Variants in PAQR5 observed in about 807,000 individuals in gnomAD.
The protein encoded by PAQR5 is progestin and adipoQ receptor family member 5.
A neutral mutation model predicts 34.5 loss-of-function variants in PAQR5; 20 were observed. The observed-to-expected ratio is 0.58, with a 90% CI of 0.41 to 0.84. The LOEUF is 0.84. Among genes scored for constraint, PAQR5 ranks in the 40% least tolerant of loss-of-function variants. PAQR5 has a pLI of 0.00. For missense variants in PAQR5, 378 were observed against 412.7 expected, an observed-to-expected ratio of 0.92 and a Z score of 0.73; for synonymous variants, 131 against 155.6, an observed-to-expected ratio of 0.84 and a Z score of 1.18.
At chr15:69,323,108 A>G (rs80189285) in intron 1 of PAQR5, among the ~76,000 whole-genome samples, 5 of 151,986 alleles carry the variant, frequency 3.3e-5, no homozygotes, top group African/African-American at 1.2e-4. Context: ...AAAGTGTGGA[A>G]CATGGGGCAG....
chr15:69,315,147 A>T (rs1164144983), intron 1 of PAQR5, among the ~76,000 whole-genome samples: 2 of 151,976 alleles, frequency 1.3e-5, no homozygotes, highest in African/African-American at 4.8e-5. Flanking sequence ...ACGTCTTAGG[A>T]GTCCTTGCCC....
chr15:69,347,047 C>A (rs894708686), intron 2 of PAQR5, among the ~76,000 whole-genome samples: 4 of 152,138 alleles, frequency 2.6e-5, no homozygotes, highest in African/African-American at 9.7e-5. Context: ...GTCTCAGACT[C>A]CTGACCTCAG....
Position 69,306,245 on chromosome 15 carries a change from G to A in PAQR5, c.-277+7189G>A, listed in dbSNP as rs888645840. Among the ~76,000 whole-genome samples the A allele has an allele frequency of 4.6e-5, 7 of 152,106 alleles. No homozygotes were observed. In the East Asian group the frequency reaches 9.6e-4, roughly 21 times the overall value. On this transcript the variant is annotated intron_variant, in intron 1 of 8. Coordinates refer to ENST00000395407, the MANE Select transcript of PAQR5 (RefSeq NM_017705.4). ...ATGTGCTTGGGGAGGTGGAGGGAAT[G>A]TTCAGGCAGCTTCCCGAGAGGAAGA...
chr15:69,353,233 G>A (rs1309924401), intron 2 of PAQR5, among the ~76,000 whole-genome samples: 1 of 152,214 alleles, frequency 6.6e-6, no homozygotes, highest in African/African-American at 2.4e-5. Context: ...CAGCTACCTG[G>A]TGGCAAGTTG....
chr15:69,357,611 T>C (rs1317721504), intron 2 of PAQR5, among the ~76,000 whole-genome samples: 1 of 152,188 alleles, frequency 6.6e-6, no homozygotes, highest in Non-Finnish European at 1.5e-5. Flanking sequence ...TACCACCACA[T>C]TTTGTTCATT....
intron 6 of PAQR5, among the ~76,000 whole-genome samples, chr15:69,393,939 C>T (rs1028202312): frequency 6.6e-6 from 1 of 152,118 alleles, no homozygotes; most frequent in East Asian, 1.9e-4. Flanking sequence ...AATGCGTGCC[C>T]TCTTCGTGGT....
At position 69,389,580 on chromosome 15, in the gene PAQR5, G is replaced by A. The variant is rs140818084; in HGVS notation, c.386-74G>A. The A allele has an allele frequency of 1.7e-4, 265 of 1,591,264 alleles. 1 individual carries two copies. The African/African-American group carries it at 2.9e-3, about 17-fold the overall frequency. On this transcript the variant is annotated intron_variant, in intron 5 of 8. Transcript: ENST00000395407. ...ATGATAAGGGCCAAGCCAGATGCTG[G>A]GGACAGTCTTTGCAAGGGGCCCATG...
chr15:69,350,492 A>C (rs2054887468), intron 2 of PAQR5, among the ~76,000 whole-genome samples: 1 of 152,040 alleles, frequency 6.6e-6, no homozygotes, highest in Admixed American at 6.6e-5. Flanking sequence ...AAAATACAAA[A>C]TTTAGCCAGG....
chr15:69,350,807 A>C (rs2054898686), intron 2 of PAQR5, among the ~76,000 whole-genome samples: 1 of 152,148 alleles, frequency 6.6e-6, no homozygotes. Context: ...GGGTTCCCTC[A>C]GGGAGGGGGA....
intron 1 of PAQR5, among the ~76,000 whole-genome samples, chr15:69,299,806 C>T (rs747064976): frequency 9.8e-5 from 15 of 152,318 alleles, no homozygotes; most frequent in Non-Finnish European, 1.8e-4. Flanking sequence ...GAGGGCTCAG[C>T]TTAGTGGGAG....
chr15:69,380,335 A>C (rs543481945), intron 4 of PAQR5: 30 of 247,380 alleles, frequency 1.2e-4, no homozygotes, highest in African/African-American at 5.3e-4. Context: ...GTCTTCCAGG[A>C]GCCCTGGTTA....
At chr15:69,345,180 C>A (rs997095990) in intron 2 of PAQR5, among the ~76,000 whole-genome samples, 1 of 151,792 alleles carries the variant, frequency 6.6e-6, no homozygotes, top group African/African-American at 2.4e-5. Context: ...AGAGAAGGAA[C>A]AGTGGAAAAG....
At chr15:69,332,046 G>T (rs1237474820) in intron 1 of PAQR5, among the ~76,000 whole-genome samples, 1 of 152,200 alleles carries the variant, frequency 6.6e-6, no homozygotes, top group Non-Finnish European at 1.5e-5. Flanking sequence ...CAAAAAGGGT[G>T]AGAAATTCTT....
At chr15:69,322,754 A>AGAG (rs1566997815) in intron 1 of PAQR5, among the ~76,000 whole-genome samples, 2 of 28,594 alleles carry the variant, frequency 7.0e-5, no homozygotes, top group Admixed American at 4.7e-4. Flanking sequence ...AAGAAGAAGA[A>AGAG]GAAGAAGAAG....
Position 69,403,635 on chromosome 15 carries a change from T to C in PAQR5, c.806T>C (p.Met269Thr). The C allele has an allele frequency of 6.2e-7, 1 of 1,614,158 alleles. No homozygotes were observed. Residue 269 changes from methionine to threonine, a missense_variant, in exon 9 of 9, where the codon ATG (methionine) becomes ACG (threonine). Transcript: ENST00000395407. Reference protein sequence around the residue: ...VCVILATHMQMEAILLDKTLR... With the variant: ...VCVILATHMQTEAILLDKTLR... Reference sequence around the variant, plus strand: ...GTGATCCTGGCCACGCACATGCAGATGGAAGCCATACTTCTGGACAAGACT... The same window carrying C: ...GTGATCCTGGCCACGCACATGCAGACGGAAGCCATACTTCTGGACAAGACT...
At chr15:69,306,789 C>A (rs1046210429) in intron 1 of PAQR5, among the ~76,000 whole-genome samples, 3 of 152,140 alleles carry the variant, frequency 2.0e-5, no homozygotes, top group Non-Finnish European at 2.9e-5. Context: ...CATCTCCATA[C>A]CTTTTTATCA....
chr15:69,330,877 A>G (rs2054363696), intron 1 of PAQR5, among the ~76,000 whole-genome samples: 1 of 152,072 alleles, frequency 6.6e-6, no homozygotes, highest in African/African-American at 2.4e-5. Flanking sequence ...GCACTTACAA[A>G]TTTGGTGGCT....
intron 3 of PAQR5, among the ~76,000 whole-genome samples, chr15:69,370,130 C>T (rs2055517981): frequency 6.6e-6 from 1 of 152,240 alleles, no homozygotes; most frequent in Non-Finnish European, 1.5e-5. Context: ...CCCAGCCATT[C>T]TTCCATGACA....
intron 3 of PAQR5, among the ~76,000 whole-genome samples, chr15:69,377,640 G>A (rs1265245154): frequency 6.6e-6 from 1 of 152,148 alleles, no homozygotes; most frequent in South Asian, 2.1e-4. Flanking sequence ...GGAATGTGCT[G>A]ACCATTCAGC....
Sources: allele counts gnomAD v4.1 joint callset (sites outside exome capture counted in the v4.1 genomes callset), GRCh38; gene constraint gnomAD v4.1.1; transcripts MANE v1.5; gene names NCBI Gene and HGNC (gene_info 2026-07-23, HGNC 2026-07-21).